Variants in KHDC1 observed in about 807,000 individuals in gnomAD.
KHDC1 encodes KH homology domain-containing protein 1.
KHDC1 carries 21 observed loss-of-function variants against 24.7 expected under a neutral mutation model. The ratio of observed to expected loss-of-function variants is 0.85; its 90% CI spans 0.60 to 1.23. KHDC1 has a LOEUF of 1.23. Ranked by LOEUF, KHDC1 falls within the 50% of genes most tolerant of loss-of-function variation. The pLI, the probability that KHDC1 is intolerant of heterozygous loss-of-function variation, is 0.00. For synonymous variants in KHDC1, 98 were observed against 111.7 expected (o/e 0.88, Z 0.77); for missense variants, 274 against 298.5 (o/e 0.92, Z 0.61).
At chr6:73,275,731 C>G (rs1767277369) in intron 2 of KHDC1, 1 of 162,064 alleles carries the variant, frequency 6.2e-6, no homozygotes, top group South Asian at 2.1e-4. Flanking sequence ...CAGCCTTGCC[C>G]CATTTGGTAA....
In KHDC1 at chr6:73,294,005, C is replaced by CAAAA. The variant is rs111522900; in HGVS notation, c.164-1969_164-1966dup. On this transcript the variant is annotated intron_variant, in intron 1 of 4. Transcript: ENST00000370384. ...TGGGCAACAGAGTGAGACTCCACCT[C>CAAAA]AAAAAAAAAAAAACAAAAAAAAACC... Among the ~76,000 whole-genome samples the CAAAA allele has an allele frequency of 4.0e-4, 26 of 64,876 alleles. 5 individuals carry two copies. The highest frequency in any genetic ancestry group is 6.9e-4 in the South Asian group (1 of 1,444). 42.6% of individuals were successfully genotyped at this position (64,876 alleles called of 152,430 possible). A position where few individuals can be genotyped will look rare whatever the true frequency, so the allele number is the denominator to read the frequency against.
At chr6:73,275,502 G>T (rs1157748875) in intron 2 of KHDC1, 2 of 167,162 alleles carry the variant, frequency 1.2e-5, no homozygotes, top group Admixed American at 6.5e-5. Context: ...TGCCTCACTG[G>T]TGCAGGTTTA....
chr6:73,284,900 A>G lies in KHDC1; in HGVS notation c.206+7098T>C, dbSNP rs184050372. Among the ~76,000 whole-genome samples, 12 of 152,136 alleles carry G rather than the reference A, an allele frequency of 7.9e-5. No homozygotes were observed. The East Asian group carries it at 2.3e-3, about 29-fold the overall frequency. On this transcript the variant is annotated intron_variant, in intron 2 of 4. Coordinates refer to ENST00000370384, the Ensembl canonical transcript of KHDC1. ...GCTCTTGTCACCCAGGCTGGAATGC[A>G]GTGGCGCAATCTCGGCTCCCTGCAA... is the stretch of plus-strand genomic sequence containing the variant.
At chr6:73,305,031 G>A (rs1448670545) in intron 1 of KHDC1, among the ~76,000 whole-genome samples, 16 of 151,928 alleles carry the variant, frequency 1.1e-4, no homozygotes, top group Admixed American at 1.1e-3. Context: ...TGAGGTCAGG[G>A]GTTCAAGACC....
intron 2 of KHDC1, among the ~76,000 whole-genome samples, chr6:73,278,751 T>C (rs1232090132): frequency 6.6e-6 from 1 of 152,238 alleles, no homozygotes; most frequent in Non-Finnish European, 1.5e-5. Flanking sequence ...TTTATCATGG[T>C]ATGTATGCAT....
intron 1 of KHDC1, among the ~76,000 whole-genome samples, chr6:73,295,859 A>AT (rs1767748828): frequency 7.4e-6 from 1 of 135,726 alleles, no homozygotes; most frequent in Non-Finnish European, 1.6e-5. Context: ...AAGAAAAAAA[A>AT]GGCGGGGCAC....
chr6:73,252,231 T>A (rs1196268878), intron 2 of KHDC1, among the ~76,000 whole-genome samples: 2 of 151,786 alleles, frequency 1.3e-5, no homozygotes, highest in Non-Finnish European at 2.9e-5. Flanking sequence ...TTTGTAGAGA[T>A]GGGGGTCTCC....
chr6:73,299,268 C>CGG (rs1767818227), intron 1 of KHDC1: 1 of 152,284 alleles, frequency 6.6e-6, no homozygotes, highest in African/African-American at 2.4e-5. Flanking sequence ...GAATCCCTGG[C>CGG]GGAGTCTGAC....
intron 2 of KHDC1, among the ~76,000 whole-genome samples, chr6:73,252,693 T>C (rs12199821): frequency 0.13 from 19,425 of 151,928 alleles, 1,575 homozygotes; most frequent in African/African-American, 0.23. Context: ...GGCTCACGCC[T>C]GTAGTCCCAG....
rs1463046168 is a variant in KHDC1, at chr6:73,289,956, C to T, written c.206+2042G>A. ...TCTACTAAAAATACAACAAATTAGC[C>T]GGGCGCGGTGGCGGGCGCCTGTAGT... is the stretch of plus-strand genomic sequence containing the variant. On this transcript the variant is annotated intron_variant, in intron 2 of 4. Coordinates refer to ENST00000370384, the Ensembl canonical transcript of KHDC1. Among the ~76,000 whole-genome samples the T allele has an allele frequency of 3.5e-5, 5 of 143,276 alleles. No individual in the cohort carries two copies. In the East Asian group the frequency reaches 6.2e-4, roughly 18 times the overall value. 94.0% of individuals were successfully genotyped at this position (143,276 alleles called of 152,430 possible). A position where few individuals can be genotyped will look rare whatever the true frequency, so the allele number is the denominator to read the frequency against.
intron 2 of KHDC1, among the ~76,000 whole-genome samples, chr6:73,260,346 A>G (rs1190796340): frequency 3.3e-5 from 5 of 152,206 alleles, no homozygotes; most frequent in African/African-American, 1.2e-4. Context: ...GTTCACAAAG[A>G]TAACTGTCAA....
intron 2 of KHDC1, among the ~76,000 whole-genome samples, chr6:73,251,954 G>A (rs1420263121): frequency 1.3e-5 from 2 of 151,274 alleles, no homozygotes; most frequent in Non-Finnish European, 2.9e-5. Context: ...AACTCCTGGG[G>A]TCAAGCAATT....
At chr6:73,253,879 T>G (rs1266203512) in intron 2 of KHDC1, among the ~76,000 whole-genome samples, 2 of 152,096 alleles carry the variant, frequency 1.3e-5, no homozygotes, top group African/African-American at 4.8e-5. Flanking sequence ...GCACTCCAGC[T>G]TGGGTGGCAG....
intron 2 of KHDC1, among the ~76,000 whole-genome samples, chr6:73,259,921 T>C (rs1047545416): frequency 1.3e-5 from 2 of 152,206 alleles, no homozygotes; most frequent in Non-Finnish European, 2.9e-5. Context: ...TATCTGGCTG[T>C]TTCTCTTGCT....
At chr6:73,307,885 G>A (rs746229228) in intron 1 of KHDC1, among the ~76,000 whole-genome samples, 11 of 151,984 alleles carry the variant, frequency 7.2e-5, no homozygotes, top group Non-Finnish European at 1.3e-4. Context: ...TGGGGTAGGC[G>A]ACAGAGTTTG....
intron 2 of KHDC1, among the ~76,000 whole-genome samples, chr6:73,261,636 G>A (rs1026475052): frequency 1.3e-5 from 2 of 151,446 alleles, no homozygotes; most frequent in African/African-American, 4.9e-5. Flanking sequence ...AAAATAGGCT[G>A]GGAGTGGTGG....
chr6:73,263,294 C>T, intron 2 of KHDC1, 98 bp from the exon 1 acceptor site: 1 of 985,614 alleles, frequency 1.0e-6, no homozygotes, highest in South Asian at 4.7e-5. Flanking sequence ...GCGGAGCCCA[C>T]TGCCGGCGCG....
intron 2 of KHDC1, among the ~76,000 whole-genome samples, chr6:73,265,985 G>A (rs925127878): frequency 2.0e-5 from 3 of 152,032 alleles, no homozygotes; most frequent in African/African-American, 7.2e-5. Flanking sequence ...GCAGTGCAAT[G>A]GCATTCTAAC....
At chr6:73,301,556 A>T (rs867498095) in intron 1 of KHDC1, among the ~76,000 whole-genome samples, 2 of 152,198 alleles carry the variant, frequency 1.3e-5, no homozygotes, top group Non-Finnish European at 2.9e-5. Flanking sequence ...ACATTCTGTT[A>T]AATTTAGAGC....
Sources: allele counts gnomAD v4.1 joint callset (sites outside exome capture counted in the v4.1 genomes callset), GRCh38; gene constraint gnomAD v4.1.1; transcripts MANE v1.5; gene names NCBI Gene and HGNC (gene_info 2026-07-23, HGNC 2026-07-21).